MARCHF6: variants seen among roughly 807,000 people sequenced by gnomAD.
MARCHF6 encodes the protein membrane associated ring-CH-type finger 6, also known as E3 ubiquitin-protein ligase MARCHF6.
In MARCHF6, 31 loss-of-function variants were observed where a neutral mutation model predicts 133.7. The observed-to-expected ratio is 0.23, with a 90% CI of 0.17 to 0.31. The LOEUF is 0.31. MARCHF6 is among the 10% of genes least tolerant of loss of function. The pLI is 1.00. For synonymous variants in MARCHF6, 395 were observed against 402.5 expected, an observed-to-expected ratio of 0.98 and a Z score of 0.22; for missense variants, 723 against 1,121.6, an observed-to-expected ratio of 0.64 and a Z score of 5.08.
At chr5:10,394,201 T>C in intron 8 of MARCHF6, 58 bp downstream of exon 8, 1 of 1,161,598 alleles carries the variant, frequency 8.6e-7, no homozygotes, top group South Asian at 1.6e-5. Flanking sequence ...TATTTTAAAC[T>C]TTGGTGTATT....
intron 19 of MARCHF6, among the ~76,000 whole-genome samples, chr5:10,411,785 A>T (rs2126788945): frequency 6.6e-6 from 1 of 152,354 alleles, no homozygotes; most frequent in Middle Eastern, 3.4e-3. Context: ...GTAATTAAGA[A>T]ACTAACATTA....
chr5:10,366,289 G>C (rs189658956), intron 1 of MARCHF6, among the ~76,000 whole-genome samples: 1 of 152,142 alleles, frequency 6.6e-6, no homozygotes, highest in African/African-American at 2.4e-5. Context: ...TTATATAGCC[G>C]CTTCCCTATT....
At chr5:10,411,914 CTG>C (rs776217796) in intron 19 of MARCHF6, among the ~76,000 whole-genome samples, 1 of 152,184 alleles carries the variant, frequency 6.6e-6, no homozygotes, top group Non-Finnish European at 1.5e-5. Flanking sequence ...GCTAAGGAAA[CTG>C]AAGGCAATAT....
rs745791895 is a variant in MARCHF6, at chr5:10,437,986, G to A, written c.*4302G>A. On this transcript the variant is annotated 3_prime_UTR_variant, in exon 26 of 26. Coordinates refer to ENST00000274140, the MANE Select transcript of MARCHF6 (RefSeq NM_005885.4). ...AACTCCAGTTAAATGTGACTGTGGC[G>A]ACTCCCTTTTATGTATACATTTAAA... 1.4e-4 allele frequency: 22 copies of A among 152,768 alleles called. No individual in the cohort carries two copies. Among genetic ancestry groups the A allele is most frequent in the Non-Finnish European group, 2.2e-4 (15 of 68,024 alleles). The allele number at this position is 152,768 out of a possible 1,614,324, so 9.5% of individuals were successfully genotyped here. A position where few individuals can be genotyped will look rare whatever the true frequency, so the allele number is the denominator to read the frequency against.
intron 3 of MARCHF6, among the ~76,000 whole-genome samples, chr5:10,381,013 A>G (rs1473710820): frequency 6.6e-6 from 1 of 152,066 alleles, no homozygotes; most frequent in Admixed American, 6.6e-5. Flanking sequence ...TGTTCTTATA[A>G]ATTTTAGATC....
rs1271398080 is a variant in MARCHF6 at position 10,411,435 on chromosome 5, T to A, written c.1794T>A (p.Pro598=). 1 of 1,614,104 alleles carries A rather than the reference T, an allele frequency of 6.2e-7. No homozygotes were observed. Among genetic ancestry groups the A allele is most frequent in the Non-Finnish European group, 8.5e-7 (1 of 1,180,024 alleles). Residue 598 remains proline (P), a synonymous_variant, in exon 19 of 26, where the codon CCT becomes CCA. Coordinates refer to ENST00000274140, the MANE Select transcript of MARCHF6 (RefSeq NM_005885.4). ...NQHARNNNAI[P]VVGEGLHAAH... is the part of the protein sequence containing the mutation. ...ATGCTCGAAATAACAACGCTATTCC[T>A]GTGGTGGGAGAAGGCCTTCATGCAG...
At chr5:10,424,142 A>G (rs762556266) in intron 23 of MARCHF6, among the ~76,000 whole-genome samples, 16 of 152,182 alleles carry the variant, frequency 1.1e-4, no homozygotes, top group South Asian at 2.1e-4. Context: ...GAGTAATTTC[A>G]AAGAGGTGGC....
intron 15 of MARCHF6, among the ~76,000 whole-genome samples, chr5:10,404,072 TTTATTTAC>T (rs1312671811): frequency 7.0e-5 from 6 of 85,866 alleles, no homozygotes; most frequent in Admixed American, 2.4e-4. Flanking sequence ...TATTTATTTA[TTTATTTAC>T]TTATTTACTT....
At chr5:10,381,449 C>T (rs550772638) in intron 3 of MARCHF6, among the ~76,000 whole-genome samples, 79 of 152,260 alleles carry the variant, frequency 5.2e-4, no homozygotes, top group African/African-American at 1.9e-3. Flanking sequence ...TGCTTTATTA[C>T]ATCTTTTATA....
chr5:10,382,635 T>A (rs929980859), intron 4 of MARCHF6, among the ~76,000 whole-genome samples: 1 of 152,296 alleles, frequency 6.6e-6, no homozygotes, highest in South Asian at 2.1e-4. Flanking sequence ...TGAGTCCAGC[T>A]GACCAACAAG....
rs973664107 is a variant in MARCHF6 at position 10,429,878 on chromosome 5, T to G, written c.2507-15T>G. On this transcript the variant is annotated splice_polypyrimidine_tract_variant and intron_variant, in intron 24 of 25. Coordinates refer to ENST00000274140, the MANE Select transcript of MARCHF6 (RefSeq NM_005885.4). Reference sequence around the variant, plus strand: ...TTTCACATACACTGAAAGTTTTTCTTTTTTGGTTTTCTAGGTGTTACTGCG... The same window carrying G: ...TTTCACATACACTGAAAGTTTTTCTGTTTTGGTTTTCTAGGTGTTACTGCG... 2.5e-6 allele frequency: 4 copies of G among 1,605,208 alleles called. No individual in the cohort carries two copies. Among genetic ancestry groups the G allele is most frequent in the Non-Finnish European group, 1.7e-6 (2 of 1,173,788 alleles).
At position 10,397,326 on chromosome 5, in the gene MARCHF6, C is replaced by A; in HGVS notation, c.895C>A (p.Leu299Met). Residue 299 changes from leucine to methionine, a missense_variant, in exon 10 of 26, where the codon CTG becomes ATG. Physicochemically the swap from Leu to Met is conservative, Grantham distance 15 (BLOSUM62 2). Coordinates refer to ENST00000274140, the MANE Select transcript of MARCHF6 (RefSeq NM_005885.4). ...CTTCTGGGTGGTATCTTTAAATACACTGTTCATTCTTGTTTTTGGTAAGTT... is the reference window on the plus strand; with the variant it reads ...CTTCTGGGTGGTATCTTTAAATACAATGTTCATTCTTGTTTTTGGTAAGTT... ...HVFWVVSLNT[L>M]FILVFAFCPY... is the part of the protein sequence containing the mutation. 1 of 1,575,358 alleles carries A rather than the reference C, an allele frequency of 6.3e-7. No individual in the cohort carries two copies. Among genetic ancestry groups the A allele is most frequent in the Non-Finnish European group, 8.6e-7 (1 of 1,167,550 alleles).
chr5:10,353,890 C>T lies in MARCHF6; in HGVS notation c.-9C>T. On this transcript the variant is annotated 5_prime_UTR_variant, in exon 1 of 26. Coordinates refer to ENST00000274140, the MANE Select transcript of MARCHF6 (RefSeq NM_005885.4). Reference sequence around the variant, plus strand: ...TCGTGGCTGCGTCACCGCCGCCCCCCCAGACAAGATGGACACCGCGGAGGA... The same window carrying T: ...TCGTGGCTGCGTCACCGCCGCCCCCTCAGACAAGATGGACACCGCGGAGGA... 1 of 1,565,354 alleles carries T rather than the reference C, an allele frequency of 6.4e-7. No individual in the cohort carries two copies.
chr5:10,378,426 C>T (rs1407715912), intron 2 of MARCHF6, among the ~76,000 whole-genome samples: 1 of 152,164 alleles, frequency 6.6e-6, no homozygotes, highest in African/African-American at 2.4e-5. Context: ...AGGATTCAGA[C>T]CTAGCTACCA....
intron 17 of MARCHF6, among the ~76,000 whole-genome samples, chr5:10,408,017 A>G (rs1458632833): frequency 1.4e-5 from 2 of 142,044 alleles, no homozygotes; most frequent in African/African-American, 5.2e-5. Flanking sequence ...TTTACCACTC[A>G]TCCTATATGC....
intron 22 of MARCHF6, among the ~76,000 whole-genome samples, chr5:10,421,380 G>A (rs1739813875): frequency 6.6e-6 from 1 of 152,236 alleles, no homozygotes; most frequent in Non-Finnish European, 1.5e-5. Flanking sequence ...TCCCAGACGT[G>A]TTTCTGAGTT....
chr5:10,417,427 T>C (rs780511612), intron 22 of MARCHF6, 23 bp downstream of exon 22: 4 of 1,612,500 alleles, frequency 2.5e-6, no homozygotes, highest in Non-Finnish European at 3.4e-6. Context: ...CTTTTGCTCA[T>C]GTTATTTCAT....
chr5:10,423,482 TC>T (rs1739931797), intron 22 of MARCHF6, among the ~76,000 whole-genome samples: 1 of 152,214 alleles, frequency 6.6e-6, no homozygotes, highest in Admixed American at 6.5e-5. Context: ...GACCAGACTT[TC>T]TCTAACTCTT....
chr5:10,407,083 A>T lies in MARCHF6; in HGVS notation c.1453-19A>T. 7.0e-7 allele frequency: 1 copy of T among 1,432,390 alleles called. No homozygotes were observed. Among genetic ancestry groups the T allele is most frequent in the African/African-American group, 1.4e-5 (1 of 71,364 alleles). The allele number at this position is 1,432,390 out of a possible 1,614,324, so 88.7% of individuals were successfully genotyped here. ...TGATTGACTCTTATAGTGGTGTCATACCCTGTTTCCTTCTGCAGATTGTCT... is the reference window on the plus strand; with the variant it reads ...TGATTGACTCTTATAGTGGTGTCATTCCCTGTTTCCTTCTGCAGATTGTCT... On this transcript the variant is annotated intron_variant, in intron 16 of 25. Coordinates refer to ENST00000274140, the MANE Select transcript of MARCHF6 (RefSeq NM_005885.4).
Sources: allele counts gnomAD v4.1 joint callset (sites outside exome capture counted in the v4.1 genomes callset), GRCh38; gene constraint gnomAD v4.1.1; transcripts MANE v1.5; gene names NCBI Gene and HGNC (gene_info 2026-07-23, HGNC 2026-07-21).